Variants in DDX10 observed in about 807,000 individuals in gnomAD.
DDX10 encodes the protein probable ATP-dependent RNA helicase DDX10.
DDX10 carries 74 observed loss-of-function variants against 104.3 expected under a neutral mutation model. That is an observed-to-expected ratio of 0.71 (90% confidence interval 0.59 to 0.86). DDX10 has a LOEUF of 0.86. DDX10 is among the 40% of genes least tolerant of loss of function. The pLI is 0.00. For missense variants in DDX10, 952 were observed against 1,040.0 expected, an observed-to-expected ratio of 0.92 and a Z score of 1.16; for synonymous variants, 351 against 353.4, an observed-to-expected ratio of 0.99 and a Z score of 0.08.
At chr11:108,890,697 T>A (rs17108706) in intron 16 of DDX10, among the ~76,000 whole-genome samples, 1 of 152,074 alleles carries the variant, frequency 6.6e-6, no homozygotes, top group Non-Finnish European at 1.5e-5. Flanking sequence ...GAAATTTACT[T>A]GTTTATTACA....
intron 13 of DDX10, among the ~76,000 whole-genome samples, chr11:108,752,179 G>A (rs180862559): frequency 6.6e-6 from 1 of 152,188 alleles, no homozygotes; most frequent in African/African-American, 2.4e-5. Flanking sequence ...GGATGGTCAT[G>A]GTAGTTTGAA....
chr11:108,760,447 C>T (rs1001164892), intron 13 of DDX10, among the ~76,000 whole-genome samples: 1 of 151,934 alleles, frequency 6.6e-6, no homozygotes, highest in Non-Finnish European at 1.5e-5. Context: ...TTACAAAACC[C>T]AAACCTGTTC....
At chr11:108,688,734 A>G (rs1226308304) in intron 6 of DDX10, among the ~76,000 whole-genome samples, 1 of 152,226 alleles carries the variant, frequency 6.6e-6, no homozygotes, top group East Asian at 1.9e-4. Context: ...ATTGATTTAC[A>G]AGGGATTTTG....
intron 16 of DDX10, among the ~76,000 whole-genome samples, chr11:108,871,814 G>C (rs1863086073): frequency 6.6e-6 from 1 of 152,110 alleles, no homozygotes; most frequent in South Asian, 2.1e-4. Context: ...TGTAATGCCA[G>C]ATACTCGGGA....
At chr11:108,748,922 C>T (rs2094335034) in intron 13 of DDX10, among the ~76,000 whole-genome samples, 1 of 151,928 alleles carries the variant, frequency 6.6e-6, no homozygotes, top group Non-Finnish European at 1.5e-5. Context: ...GCCTTGGCCT[C>T]CAAAGTGCCA....
intron 16 of DDX10, among the ~76,000 whole-genome samples, chr11:108,871,811 C>G (rs1027184208): frequency 6.6e-6 from 1 of 152,048 alleles, no homozygotes; most frequent in African/African-American, 2.4e-5. Flanking sequence ...GCCTGTAATG[C>G]CAGATACTCG....
intron 13 of DDX10, among the ~76,000 whole-genome samples, chr11:108,742,580 A>C (rs918914339): frequency 1.3e-5 from 2 of 152,192 alleles, no homozygotes; most frequent in African/African-American, 4.8e-5. Context: ...GAACAACAAC[A>C]ACAACAAGAA....
intron 13 of DDX10, among the ~76,000 whole-genome samples, chr11:108,783,308 T>G (rs1443512164): frequency 2.0e-5 from 3 of 152,156 alleles, no homozygotes; most frequent in African/African-American, 7.2e-5. Context: ...GGCCATTAGT[T>G]TTAGCAATGA....
rs549886480 is a variant in DDX10, at chr11:108,827,388, T to C, written c.1966-11058T>C. ...GAGTCTGTGTAACAGGCTAATGTAATAGCCATTGACTCAAGAAATTACAGT... is the reference window on the plus strand; with the variant it reads ...GAGTCTGTGTAACAGGCTAATGTAACAGCCATTGACTCAAGAAATTACAGT... On this transcript the variant is annotated intron_variant, in intron 13 of 17. Coordinates refer to ENST00000322536, the MANE Select transcript of DDX10 (RefSeq NM_004398.4). Among the ~76,000 whole-genome samples, 11 of 152,312 alleles carry C rather than the reference T, an allele frequency of 7.2e-5. No individual in the cohort carries two copies. The South Asian group carries it at 2.3e-3, about 32-fold the overall frequency.
At chr11:108,898,617 C>G (rs1468675748) in intron 16 of DDX10, among the ~76,000 whole-genome samples, 1 of 146,806 alleles carries the variant, frequency 6.8e-6, no homozygotes, top group African/African-American at 2.5e-5. Flanking sequence ...ACACCCAAGT[C>G]AAGTCATACC....
chr11:108,811,081 G>T (rs1862173439), intron 13 of DDX10, among the ~76,000 whole-genome samples: 1 of 152,090 alleles, frequency 6.6e-6, no homozygotes, highest in Admixed American at 6.5e-5. Context: ...ACTAGATTCT[G>T]TTGAATCAAT....
At chr11:108,820,302 T>G (rs1862309008) in intron 13 of DDX10, among the ~76,000 whole-genome samples, 1 of 152,188 alleles carries the variant, frequency 6.6e-6, no homozygotes, top group Non-Finnish European at 1.5e-5. Context: ...TCCAGAGAAA[T>G]TCCACAATGA....
chr11:108,808,114 G>A (rs187627961), intron 13 of DDX10, among the ~76,000 whole-genome samples: 1 of 152,322 alleles, frequency 6.6e-6, no homozygotes, highest in Admixed American at 6.5e-5. Context: ...GTTTGAGTGA[G>A]TGAGGGGAGA....
chr11:108,719,779 C>G lies in DDX10; in HGVS notation c.1411-18C>G. 1 of 1,468,798 alleles carries G rather than the reference C, an allele frequency of 6.8e-7. No individual in the cohort carries two copies. The highest frequency in any genetic ancestry group is 1.4e-5 in the African/African-American group (1 of 71,474). The allele number at this position is 1,468,798 out of a possible 1,614,324, so 91.0% of individuals were successfully genotyped here. A position where few individuals can be genotyped will look rare whatever the true frequency, so the allele number is the denominator to read the frequency against. ...TTAATTTCTATTATATTGTACTTTT[C>G]AACCTCTTAATTTACAGTGTTTCGT... is the stretch of plus-strand genomic sequence containing the variant. On this transcript the variant is annotated intron_variant, in intron 11 of 17. Coordinates refer to ENST00000322536, the MANE Select transcript of DDX10 (RefSeq NM_004398.4).
intron 13 of DDX10, among the ~76,000 whole-genome samples, chr11:108,783,956 G>A (rs1050043937): frequency 3.3e-5 from 5 of 152,108 alleles, no homozygotes; most frequent in Non-Finnish European, 5.9e-5. Flanking sequence ...TTAGGATAAC[G>A]GCCTCCAGCT....
At chr11:108,779,684 A>G (rs1053995711) in intron 13 of DDX10, among the ~76,000 whole-genome samples, 4 of 152,162 alleles carry the variant, frequency 2.6e-5, no homozygotes, top group Non-Finnish European at 5.9e-5. Flanking sequence ...AATAAAAAAT[A>G]ATAAAAATAA....
chr11:108,907,297 T>C (rs953519732), intron 16 of DDX10, among the ~76,000 whole-genome samples: 1 of 151,642 alleles, frequency 6.6e-6, no homozygotes, highest in Non-Finnish European at 1.5e-5. Context: ...TTCCTTGATA[T>C]GGCTTTTATC....
At chr11:108,672,039 C>T (rs1322817388) in intron 1 of DDX10, among the ~76,000 whole-genome samples, 19 of 119,768 alleles carry the variant, frequency 1.6e-4, no homozygotes, top group South Asian at 2.7e-4. Context: ...CCAGCCTGGG[C>T]GACACAGCGA....
chr11:108,901,217 T>C (rs1264936571), intron 16 of DDX10, among the ~76,000 whole-genome samples: 1 of 152,216 alleles, frequency 6.6e-6, no homozygotes, highest in East Asian at 1.9e-4. Context: ...ATGGAACATA[T>C]TTGGTTTTTC....
Sources: gnomAD v4.1 joint callset for allele counts (sites outside exome capture counted in the v4.1 genomes callset) on GRCh38, gnomAD v4.1.1 for gene constraint, MANE v1.5 for transcripts, NCBI Gene and HGNC (gene_info 2026-07-23, HGNC 2026-07-21) for gene names.